The following C1GALT1 variants were observed in gnomAD, a reference collection of about 807,000 sequenced individuals.
C1GALT1 encodes the protein glycoprotein-N-acetylgalactosamine 3-beta-galactosyltransferase 1.
C1GALT1 carries 11 observed loss-of-function variants against 31.0 expected under a neutral mutation model. The observed-to-expected ratio is 0.36, with a 90% CI of 0.22 to 0.59. C1GALT1 has a LOEUF of 0.59. Among genes scored for constraint, C1GALT1 ranks in the 20% least tolerant of loss-of-function variants. C1GALT1 has a pLI of 0.79. For missense variants in C1GALT1, 424 were observed against 425.2 expected, an observed-to-expected ratio of 1.00 and a Z score of 0.03; for synonymous variants, 175 against 143.6, an observed-to-expected ratio of 1.22 and a Z score of -1.56.
Position 7,238,189 on chromosome 7 carries a change from T to C in C1GALT1, c.221-66T>C. 1 of 1,377,302 alleles carries C rather than the reference T, an allele frequency of 7.3e-7. No individual in the cohort carries two copies. The highest frequency in any genetic ancestry group is 9.8e-7 in the Non-Finnish European group (1 of 1,017,144). 85.3% of individuals were successfully genotyped at this position (1,377,302 alleles called of 1,614,324 possible). On this transcript the variant is annotated intron_variant, in intron 2 of 3. Transcript: ENST00000436587. The surrounding 1 kb of genome is among the most constrained non-coding windows in gnomAD (Gnocchi z 5.2). ...GAAATTAGGACAGTGCTTTCTTCAG[T>C]ATAATTTATTAATATTTGGATTTTA...
Position 7,238,179 on chromosome 7 carries a change from C to CT in C1GALT1, c.221-73dup. On this transcript the variant is annotated intron_variant, in intron 2 of 3. Coordinates refer to ENST00000436587, the MANE Select transcript of C1GALT1 (RefSeq NM_020156.5). This position sits in a 1 kb window ranked among gnomAD's most constrained non-coding sequence, Gnocchi z 5.2. ...TAGGGACTTTGAAATTAGGACAGTG[C>CT]TTTCTTCAGTATAATTTATTAATAT... 2 of 1,347,854 alleles carry CT rather than the reference C, an allele frequency of 1.5e-6. No homozygotes were observed. The highest frequency in any genetic ancestry group is 1.5e-5 in the South Asian group (1 of 66,906). 83.5% of individuals were successfully genotyped at this position (1,347,854 alleles called of 1,614,324 possible). A position where few individuals can be genotyped will look rare whatever the true frequency, so the allele number is the denominator to read the frequency against.
intron 1 of C1GALT1, among the ~76,000 whole-genome samples, chr7:7,221,948 C>T (rs922282849): frequency 6.6e-6 from 1 of 152,152 alleles, no homozygotes; most frequent in Non-Finnish European, 1.5e-5. Flanking sequence ...TGAGTAAACT[C>T]TGAGGTGTGA....
intron 2 of C1GALT1, among the ~76,000 whole-genome samples, chr7:7,236,420 G>A (rs1473231317): frequency 6.6e-6 from 1 of 152,148 alleles, no homozygotes; most frequent in East Asian, 1.9e-4. Context: ...GGCTCCTCAA[G>A]GATATGAGAT....
chr7:7,236,614 C>T (rs766772561), intron 2 of C1GALT1, among the ~76,000 whole-genome samples: 6 of 151,776 alleles, frequency 4.0e-5, no homozygotes, highest in African/African-American at 9.7e-5. Flanking sequence ...CTCCGCCTCC[C>T]GGGTTCAAGC....
At position 7,199,022 on chromosome 7, in the gene C1GALT1, G is replaced by A. The variant is rs1187069423; in HGVS notation, c.-18+16202G>A. ...ACTGATTTTTTTTGAAGGGTTTTTT[G>A]TGTCTCTATCTCCTTCAGTTCTGCT... On this transcript the variant is annotated intron_variant, in intron 1 of 3. Coordinates refer to ENST00000436587, the MANE Select transcript of C1GALT1 (RefSeq NM_020156.5). 6.6e-5 allele frequency among the ~76,000 whole-genome samples: 10 copies of A among 152,032 alleles called. No homozygotes were observed. In the South Asian group the frequency reaches 1.9e-3, roughly 28 times the overall value.
At chr7:7,206,590 C>T (rs1181667795) in intron 1 of C1GALT1, among the ~76,000 whole-genome samples, 2 of 151,390 alleles carry the variant, frequency 1.3e-5, no homozygotes, top group African/African-American at 2.4e-5. Context: ...GCAGGAGAAT[C>T]GCTTGAAACC....
At chr7:7,234,142 A>G (rs983574316) in intron 1 of C1GALT1, 161 bp from the exon 2 acceptor site, 9 of 612,566 alleles carry the variant, frequency 1.5e-5, no homozygotes, top group Admixed American at 1.2e-4. Context: ...ATTTTCCATA[A>G]TGTGCTGTTT....
intron 2 of C1GALT1, among the ~76,000 whole-genome samples, chr7:7,162,789 C>T (rs936053886): frequency 1.3e-5 from 2 of 152,116 alleles, no homozygotes; most frequent in African/African-American, 4.8e-5. Flanking sequence ...TGTTTCCTGA[C>T]TTTTTAATGA....
intron 1 of C1GALT1, among the ~76,000 whole-genome samples, chr7:7,201,480 G>C (rs547558068): frequency 5.7e-4 from 87 of 152,296 alleles, no homozygotes; most frequent in Non-Finnish European, 5.3e-4. Context: ...CAGTCTGTCT[G>C]TTCTCAGATC....
At chr7:7,212,274 G>A (rs1045200976) in intron 1 of C1GALT1, among the ~76,000 whole-genome samples, 3 of 152,170 alleles carry the variant, frequency 2.0e-5, no homozygotes, top group Non-Finnish European at 4.4e-5. Flanking sequence ...TGCGGGGACT[G>A]TGTAGACAAG....
intron 1 of C1GALT1, among the ~76,000 whole-genome samples, chr7:7,228,517 A>T (rs761449365): frequency 1.3e-5 from 2 of 151,532 alleles, no homozygotes; most frequent in African/African-American, 4.9e-5. Context: ...CTACCTCAAC[A>T]CTCTTGTGGA....
rs77521978 is a variant in C1GALT1, at chr7:7,238,013, C to T, written c.221-242C>T. Among the ~76,000 whole-genome samples, 817 of 152,216 alleles carry T rather than the reference C, an allele frequency of 5.4e-3. 6 individuals carry two copies. Among genetic ancestry groups the T allele is most frequent in the African/African-American group, 0.019 (772 of 41,514 alleles). Reference sequence around the variant, plus strand: ...TTAATCAGTAAACTACAGTTTGAGACGAATTTAGATTATAATGTCAACTCT... The same window carrying T: ...TTAATCAGTAAACTACAGTTTGAGATGAATTTAGATTATAATGTCAACTCT... On this transcript the variant is annotated intron_variant, in intron 2 of 3. Transcript: ENST00000436587. The surrounding 1 kb of genome is among the most constrained non-coding windows in gnomAD (Gnocchi z 5.2).
intron 2 of C1GALT1, among the ~76,000 whole-genome samples, chr7:7,165,887 T>C (rs1460113458): frequency 6.6e-6 from 1 of 152,182 alleles, no homozygotes; most frequent in Non-Finnish European, 1.5e-5. Flanking sequence ...TTGAAAATAT[T>C]GTATAAAATT....
chr7:7,207,215 T>C (rs13226913), intron 1 of C1GALT1, among the ~76,000 whole-genome samples: 80,890 of 151,772 alleles, frequency 0.53, 22,884 homozygotes, highest in East Asian at 0.93. Flanking sequence ...TCTTCCTGTC[T>C]AGATCTGCCT....
rs1783929122 is a variant in C1GALT1, at chr7:7,248,335, C to G, written c.*4608C>G. The G allele has an allele frequency of 6.6e-6, 1 of 151,794 alleles. No individual in the cohort carries two copies. The highest frequency in any genetic ancestry group is 1.5e-5 in the Non-Finnish European group (1 of 67,840). The allele number at this position is 151,794 out of a possible 1,614,324, so 9.4% of individuals were successfully genotyped here. A position where few individuals can be genotyped will look rare whatever the true frequency, so the allele number is the denominator to read the frequency against. On this transcript the variant is annotated 3_prime_UTR_variant, in exon 4 of 4. Coordinates refer to ENST00000436587, the MANE Select transcript of C1GALT1 (RefSeq NM_020156.5). ...TTAAGTTTTAATAACTTTGCGGGGC[C>G]CTGCAAATTAATAATCTACATGAAG...
At chr7:7,190,785 A>T (rs1203043919) in intron 1 of C1GALT1, among the ~76,000 whole-genome samples, 2 of 152,058 alleles carry the variant, frequency 1.3e-5, no homozygotes, top group East Asian at 3.9e-4. Flanking sequence ...CCTTCCCACA[A>T]TGCCCCTTTC....
intron 1 of C1GALT1, among the ~76,000 whole-genome samples, chr7:7,218,994 C>T (rs1380812209): frequency 3.9e-5 from 6 of 151,914 alleles, no homozygotes; most frequent in East Asian, 1.9e-4. Flanking sequence ...CCACCACACC[C>T]GGCTAATTTT....
intron 2 of C1GALT1, among the ~76,000 whole-genome samples, chr7:7,163,822 C>A (rs1245418627): frequency 1.3e-5 from 2 of 151,918 alleles, no homozygotes; most frequent in Admixed American, 6.6e-5. Context: ...AAAGAGGATA[C>A]AAACAAATGG....
intron 1 of C1GALT1, among the ~76,000 whole-genome samples, chr7:7,197,270 T>C (rs975526126): frequency 1.6e-5 from 2 of 125,916 alleles, no homozygotes; most frequent in Non-Finnish European, 3.3e-5. Context: ...GGCTAGCCAG[T>C]TTTCCCAGCA....
Sources: gnomAD v4.1 joint callset for allele counts (sites outside exome capture counted in the v4.1 genomes callset) on GRCh38, gnomAD v4.1.1 for gene constraint, Gnocchi (gnomAD v3.1) non-coding constraint, MANE v1.5 for transcripts, NCBI Gene and HGNC (gene_info 2026-07-23, HGNC 2026-07-21) for gene names.